The following ZNF639 variants were observed in gnomAD, a reference collection of about 807,000 sequenced individuals.
ZNF639 encodes the protein zinc finger protein 639.
In ZNF639, 20 loss-of-function variants were observed where a neutral mutation model predicts 39.8. The observed-to-expected ratio is 0.50, with a 90% CI of 0.35 to 0.73. ZNF639 has a LOEUF of 0.73. ZNF639 is among the 30% of genes least tolerant of loss of function. The pLI, the probability that ZNF639 is intolerant of heterozygous loss-of-function variation, is 0.00. For missense variants in ZNF639, 477 were observed against 566.2 expected, an observed-to-expected ratio of 0.84 and a Z score of 1.60; for synonymous variants, 176 against 189.8, an observed-to-expected ratio of 0.93 and a Z score of 0.60.
At chr3:179,323,030 T>C (rs887970716), upstream of ZNF639, 6 of 984,916 alleles carry the variant, frequency 6.1e-6, no homozygotes, top group African/African-American at 7.0e-5. Context: ...GGCGGGCCCC[T>C]GAGGTGCGCG....
chr3:179,334,434 A>AACTT lies in ZNF639; in HGVS notation c.*15_*18dup. ...ATGAGACAACTTGATTATTCTCTTTAACTTACAGAATGTTAGTTTAAAATA... is the reference window on the plus strand; with the variant it reads ...ATGAGACAACTTGATTATTCTCTTTAACTTACTTACAGAATGTTAGTTTAAAATA... On this transcript the variant is annotated 3_prime_UTR_variant, in exon 6 of 6. Coordinates refer to ENST00000496856, the MANE Select transcript of ZNF639 (RefSeq NM_001303426.2). 6.7e-7 allele frequency: 1 copy of AACTT among 1,494,114 alleles called. No homozygotes were observed. The highest frequency in any genetic ancestry group is 1.8e-4 in the Middle Eastern group (1 of 5,484). The allele number at this position is 1,494,114 out of a possible 1,614,324, so 92.6% of individuals were successfully genotyped here. A position where few individuals can be genotyped will look rare whatever the true frequency, so the allele number is the denominator to read the frequency against.
At position 179,337,035 on chromosome 3, in the gene ZNF639, C is replaced by G. The variant is rs886192559; in HGVS notation, c.*2613C>G. On this transcript the variant is annotated 3_prime_UTR_variant, in exon 6 of 6. Coordinates refer to ENST00000496856, the MANE Select transcript of ZNF639 (RefSeq NM_001303426.2). ...GCACTTTGTGGGTGGCTGAGATGGGCAGATCACGAGGTCAGGAGATCCAGA... is the reference window on the plus strand; with the variant it reads ...GCACTTTGTGGGTGGCTGAGATGGGGAGATCACGAGGTCAGGAGATCCAGA... 8.6e-5 allele frequency: 13 copies of G among 151,870 alleles called. No homozygotes were observed. Among genetic ancestry groups the G allele is most frequent in the African/African-American group, 2.9e-4 (12 of 41,336 alleles). The allele number at this position is 151,870 out of a possible 1,614,324, so 9.4% of individuals were successfully genotyped here. A position where few individuals can be genotyped will look rare whatever the true frequency, so the allele number is the denominator to read the frequency against.
chr3:179,322,894 G>A (rs868063218), upstream of ZNF639: 46 of 985,260 alleles, frequency 4.7e-5, no homozygotes, highest in South Asian at 1.9e-3. Context: ...GCCTCCGGCA[G>A]GGGGCGCGGG....
chr3:179,327,386 CAT>C (rs1259073852), intron 1 of ZNF639, among the ~76,000 whole-genome samples, 173 bp from the exon 2 acceptor site: 6 of 152,084 alleles, frequency 3.9e-5, no homozygotes, highest in Non-Finnish European at 7.4e-5. Flanking sequence ...CATATAATCA[CAT>C]ATTTATCAAG....
In ZNF639 at chr3:179,333,464, C is replaced by T. The variant is rs1411913631; in HGVS notation, c.500C>T (p.Thr167Ile). The T allele has an allele frequency of 1.9e-6, 3 of 1,614,118 alleles. No individual in the cohort carries two copies. The highest frequency in any genetic ancestry group is 1.3e-5 in the African/African-American group (1 of 75,030). Residue 167 changes from threonine to isoleucine, a missense_variant, in exon 6 of 6, where the codon ACT (threonine) becomes ATT (isoleucine). Transcript: ENST00000496856. ...NNSSESLQDQ[T>I]DEEPPAKLCK... ...TCCTCTGAGAGTCTCCAAGACCAAA[C>T]TGATGAAGAACCGCCAGCTAAACTT...
At chr3:179,326,205 C>T (rs995176715) in intron 1 of ZNF639, among the ~76,000 whole-genome samples, 1 of 152,060 alleles carries the variant, frequency 6.6e-6, no homozygotes, top group African/African-American at 2.4e-5. Context: ...CTGGCGGGTA[C>T]CTGTAATCCC....
intron 1 of ZNF639, chr3:179,325,266 T>A (rs1471345809): frequency 6.6e-6 from 1 of 152,322 alleles, no homozygotes; most frequent in Non-Finnish European, 1.5e-5. Context: ...GGTGATCTGT[T>A]CGCCTCGGCC....
intron 4 of ZNF639, among the ~76,000 whole-genome samples, chr3:179,332,540 C>T (rs1415090406): frequency 6.6e-6 from 1 of 152,160 alleles, no homozygotes; most frequent in African/African-American, 2.4e-5. Context: ...ATCACTTGAG[C>T]CCAGGAGTTT....
In ZNF639 at chr3:179,333,407, C is replaced by G. The variant is rs1289047597; in HGVS notation, c.443C>G (p.Ser148Cys). 1.2e-6 allele frequency: 2 copies of G among 1,614,096 alleles called. No homozygotes were observed. Among genetic ancestry groups the G allele is most frequent in the Middle Eastern group, 1.6e-4 (1 of 6,062 alleles). Residue 148 changes from serine to cysteine, a missense_variant, in exon 6 of 6, where the codon TCT (serine) becomes TGT (cysteine). Coordinates refer to ENST00000496856, the MANE Select transcript of ZNF639 (RefSeq NM_001303426.2). ...VPIAVEVHAI[S>C]EDYDIETENN... The stretch of plus-strand genomic sequence containing the variant: ...ATTGCTGTAGAAGTGCATGCGATTT[C>G]TGAGGATTATGATATAGAGACAGAA...
chr3:179,325,631 C>T (rs1426891075), intron 1 of ZNF639, among the ~76,000 whole-genome samples: 3 of 150,686 alleles, frequency 2.0e-5, no homozygotes, highest in East Asian at 4.1e-4. Flanking sequence ...CGGTGGCTCA[C>T]GCCTGTAATC....
intron 2 of ZNF639, 76 bp from the exon 3 acceptor site, chr3:179,328,207 C>A: frequency 3.7e-6 from 3 of 811,650 alleles, no homozygotes; most frequent in Non-Finnish European, 5.8e-6. Flanking sequence ...CCAATAAATT[C>A]TTCAGTTAGA....
intron 1 of ZNF639, chr3:179,323,711 C>G (rs1727415400): frequency 6.6e-6 from 1 of 152,374 alleles, no homozygotes; most frequent in East Asian, 1.9e-4. Flanking sequence ...GCTGGCGCTG[C>G]GGCCCTGCCC....
At chr3:179,331,014 T>C (rs1406970893) in intron 4 of ZNF639, among the ~76,000 whole-genome samples, 1 of 152,196 alleles carries the variant, frequency 6.6e-6, no homozygotes, top group Non-Finnish European at 1.5e-5. Context: ...AGTGCCCAGC[T>C]CTTGGTTTCT....
chr3:179,323,249 G>C lies in ZNF639; in HGVS notation c.-125G>C, dbSNP rs1363210702. The C allele has an allele frequency of 1.0e-6, 1 of 985,228 alleles. No individual in the cohort carries two copies. The highest frequency in any genetic ancestry group is 1.2e-6 in the Non-Finnish European group (1 of 830,022). The allele number at this position is 985,228 out of a possible 1,614,324, so 61.0% of individuals were successfully genotyped here. On this transcript the variant is annotated 5_prime_UTR_variant, in exon 1 of 6. Transcript: ENST00000496856. ...TCCGCCTGCGCTCTCGGCCGCCGCC[G>C]CCTCTGCGTGGGCCGGCCGGGAGGG...
intron 3 of ZNF639, 124 bp downstream of exon 3, chr3:179,328,475 C>A: frequency 3.4e-6 from 2 of 583,724 alleles, no homozygotes; most frequent in Non-Finnish European, 5.8e-6. Context: ...GGTAAAACAA[C>A]GGTTTAAATA....
chr3:179,334,148 T>C lies in ZNF639; in HGVS notation c.1184T>C (p.Ile395Thr). The C allele has an allele frequency of 6.2e-7, 1 of 1,614,126 alleles. No homozygotes were observed. The highest frequency in any genetic ancestry group is 8.5e-7 in the Non-Finnish European group (1 of 1,179,998). Reference protein sequence around the residue: ...LHTNVNRHVAIEHTKIFPHVC... With the variant: ...LHTNVNRHVATEHTKIFPHVC... ...ACAAATGTTAACAGGCATGTTGCTATTGAACATACAAAAATTTTTCCTCAT... is the reference window on the plus strand; with the variant it reads ...ACAAATGTTAACAGGCATGTTGCTACTGAACATACAAAAATTTTTCCTCAT... The change falls in exon 6 of 6, where the codon ATT becomes ACT. Residue 395 changes from isoleucine (I) to threonine (T), a missense_variant. By Grantham distance (89) the Ile-to-Thr change is moderately conservative. Coordinates refer to ENST00000496856, the MANE Select transcript of ZNF639 (RefSeq NM_001303426.2).
intron 2 of ZNF639, 44 bp downstream of exon 2, chr3:179,327,675 T>TGA (rs1317496320): frequency 1.3e-5 from 2 of 152,298 alleles, no homozygotes; most frequent in Non-Finnish European, 2.9e-5. Context: ...TAACAGTTAA[T>TGA]GAGAATTTAA....
intron 1 of ZNF639, 135 bp downstream of exon 1, chr3:179,323,426 A>G (rs1553840838): frequency 1.0e-6 from 1 of 971,452 alleles, no homozygotes; most frequent in Non-Finnish European, 1.2e-6. Flanking sequence ...CCTTCGTTAT[A>G]TGGCGGGATG....
At chr3:179,323,019 C>G, upstream of ZNF639, 1 of 985,182 alleles carries the variant, frequency 1.0e-6, no homozygotes. Flanking sequence ...CCCGCCCTCT[C>G]GGCGGGCCCC....
Sources: gnomAD v4.1 joint callset for allele counts (sites outside exome capture counted in the v4.1 genomes callset) on GRCh38, gnomAD v4.1.1 for gene constraint, MANE v1.5 for transcripts, NCBI Gene and HGNC (gene_info 2026-07-23, HGNC 2026-07-21) for gene names.